FER: variants seen among roughly 807,000 people sequenced by gnomAD.
The protein encoded by FER is tyrosine-protein kinase Fer.
FER carries 63 observed loss-of-function variants against 111.0 expected under a neutral mutation model. The observed-to-expected ratio is 0.57, with a 90% CI of 0.46 to 0.70. The LOEUF (loss-of-function observed/expected upper bound fraction) is 0.70, where lower values mean the gene tolerates loss of function less well. FER is among the 30% of genes least tolerant of loss of function. The pLI is 0.00. For synonymous variants in FER, 327 were observed against 313.9 expected, an observed-to-expected ratio of 1.04 and a Z score of -0.44; for missense variants, 914 against 954.0, an observed-to-expected ratio of 0.96 and a Z score of 0.55.
intron 1 of FER, among the ~76,000 whole-genome samples, chr5:108,767,341 A>G (rs912202570): frequency 6.6e-6 from 1 of 152,128 alleles, no homozygotes; most frequent in African/African-American, 2.4e-5. Context: ...AAAACATATG[A>G]AGTGGAGAAA....
At chr5:108,902,247 A>G (rs529391509) in intron 10 of FER, among the ~76,000 whole-genome samples, 1 of 152,362 alleles carries the variant, frequency 6.6e-6, no homozygotes, top group East Asian at 1.9e-4. Context: ...TGAGACCATT[A>G]TAATTACAAA....
chr5:108,973,493 G>GTT (rs201662357), intron 13 of FER, among the ~76,000 whole-genome samples: 32 of 150,728 alleles, frequency 2.1e-4, no homozygotes, highest in Admixed American at 6.6e-4. Flanking sequence ...ACTTCTTTTT[G>GTT]TTTTTTTTTG....
chr5:108,956,223 T>A (rs1447463899), intron 12 of FER, among the ~76,000 whole-genome samples: 1 of 151,692 alleles, frequency 6.6e-6, no homozygotes, highest in African/African-American at 2.4e-5. Flanking sequence ...AAGTTATGAA[T>A]TTAGATAACC....
intron 16 of FER, among the ~76,000 whole-genome samples, chr5:109,071,969 G>A (rs1228926114): frequency 3.3e-5 from 5 of 151,170 alleles, no homozygotes; most frequent in South Asian, 4.2e-4. Context: ...CGATGGTCTC[G>A]GTGGATATCT....
chr5:108,775,939 G>C (rs1250860331), intron 2 of FER, among the ~76,000 whole-genome samples: 1 of 152,056 alleles, frequency 6.6e-6, no homozygotes, highest in Non-Finnish European at 1.5e-5. Context: ...TTGTGACTTT[G>C]TTTCTATCTT....
At chr5:109,003,159 C>T (rs9688214) in intron 13 of FER, among the ~76,000 whole-genome samples, 8,852 of 152,218 alleles carry the variant, frequency 0.058, 387 homozygotes, top group South Asian at 0.12. Flanking sequence ...TATAAAGACA[C>T]ATGCACACGT....
Position 108,768,116 on chromosome 5 carries a change from T to G in FER, c.-182T>G, listed in dbSNP as rs1322274934. The stretch of plus-strand genomic sequence containing the variant: ...AGCTCATGTTTTTTGGCTAGACCTA[T>G]GACCATTTTCGCTAGACTTCACTGC... On this transcript the variant is annotated 5_prime_UTR_variant, in exon 2 of 20. The change abolishes an upstream ATG in the 5' untranslated region. Coordinates refer to ENST00000281092, the MANE Select transcript of FER (RefSeq NM_005246.4). 1 of 152,264 alleles carries G rather than the reference T, an allele frequency of 6.6e-6. No individual in the cohort carries two copies. Among genetic ancestry groups the G allele is most frequent in the Non-Finnish European group, 1.5e-5 (1 of 68,066 alleles). The allele number at this position is 152,264 out of a possible 1,614,324, so 9.4% of individuals were successfully genotyped here. A position where few individuals can be genotyped will look rare whatever the true frequency, so the allele number is the denominator to read the frequency against.
chr5:108,887,827 T>C (rs143368509), intron 9 of FER, among the ~76,000 whole-genome samples: 1 of 151,878 alleles, frequency 6.6e-6, no homozygotes, highest in African/African-American at 2.4e-5. Flanking sequence ...AAAAAAGTTA[T>C]GGGAAAAAAT....
chr5:108,915,023 G>C (rs1399125868), intron 10 of FER, among the ~76,000 whole-genome samples: 1 of 152,118 alleles, frequency 6.6e-6, no homozygotes, highest in African/African-American at 2.4e-5. Flanking sequence ...AAGTAAAGTA[G>C]GATATGGATT....
At chr5:108,832,657 T>C in intron 3 of FER, 113 bp from the exon 4 acceptor site, 1 of 698,456 alleles carries the variant, frequency 1.4e-6, no homozygotes, top group Non-Finnish European at 2.0e-6. Flanking sequence ...CTATTTTTTA[T>C]ATTAATGTAA....
intron 17 of FER, among the ~76,000 whole-genome samples, chr5:109,116,141 A>G (rs1012964636): frequency 6.6e-6 from 1 of 152,026 alleles, no homozygotes; most frequent in African/African-American, 2.4e-5. Context: ...TACGGTCTCT[A>G]TGCTCCCTTG....
intron 2 of FER, among the ~76,000 whole-genome samples, chr5:108,791,749 C>G (rs151265543): frequency 3.9e-5 from 6 of 152,090 alleles, no homozygotes; most frequent in African/African-American, 1.4e-4. Flanking sequence ...TCTAAGAAAC[C>G]ATTGCCTAAG....
chr5:108,985,882 G>T (rs1214729079), intron 13 of FER, among the ~76,000 whole-genome samples: 1 of 152,128 alleles, frequency 6.6e-6, no homozygotes, highest in Non-Finnish European at 1.5e-5. Flanking sequence ...ATTGCAAATT[G>T]TGCTCCTGTA....
At chr5:108,813,334 G>C (rs557494388) in intron 3 of FER, among the ~76,000 whole-genome samples, 1 of 151,998 alleles carries the variant, frequency 6.6e-6, no homozygotes, top group African/African-American at 2.4e-5. Context: ...CTGATGTTAA[G>C]CAATTCATTA....
At chr5:108,763,804 A>G (rs549833336) in intron 1 of FER, among the ~76,000 whole-genome samples, 13 of 152,296 alleles carry the variant, frequency 8.5e-5, no homozygotes, top group African/African-American at 2.6e-4. Context: ...TCCAGCAGCT[A>G]TATCTATTTA....
intron 13 of FER, among the ~76,000 whole-genome samples, chr5:108,959,846 A>G (rs1021063700): frequency 1.3e-5 from 2 of 152,110 alleles, no homozygotes; most frequent in African/African-American, 4.8e-5. Context: ...GTTGGATAAG[A>G]GATTGTCTTA....
rs1561500033 is a variant in FER, at chr5:108,844,061, T to TGTGTGTGAACACATATATGTGTGTGAAC, written c.481+8254_481+8255insGTGTGTGAACACATATATGTGTGTGAAC. Among the ~76,000 whole-genome samples, 84 of 90,048 alleles carry TGTGTGTGAACACATATATGTGTGTGAAC rather than the reference T, an allele frequency of 9.3e-4. 2 individuals are homozygous for TGTGTGTGAACACATATATGTGTGTGAAC. The highest frequency in any genetic ancestry group is 3.9e-3 in the South Asian group (13 of 3,358). 59.1% of individuals were successfully genotyped at this position (90,048 alleles called of 152,430 possible). On this transcript the variant is annotated intron_variant, in intron 5 of 19. Transcript: ENST00000281092. The stretch of plus-strand genomic sequence containing the variant: ...GTGAACATATATATGTGTGTGAACA[T>TGTGTGTGAACACATATATGTGTGTGAAC]ATATATGTGTGTGAACATATATGCG...
chr5:109,052,461 G>T lies in FER; in HGVS notation c.1924+5263G>T. On this transcript the variant is annotated intron_variant, in intron 16 of 19. Coordinates refer to ENST00000281092, the MANE Select transcript of FER (RefSeq NM_005246.4). The stretch of plus-strand genomic sequence containing the variant: ...CTAAAGTGCTCCAGTCACGCATGTT[G>T]CCTGGGCACCACTCTTTTGCTTAAA... 5.3e-6 allele frequency: 6 copies of T among 1,137,126 alleles called. 1 individual carries two copies. The South Asian group carries it at 6.3e-5, about 12-fold the overall frequency. The allele number at this position is 1,137,126 out of a possible 1,614,324, so 70.4% of individuals were successfully genotyped here. A position where few individuals can be genotyped will look rare whatever the true frequency, so the allele number is the denominator to read the frequency against.
At chr5:109,062,131 T>G (rs1774498520) in intron 16 of FER, among the ~76,000 whole-genome samples, 1 of 152,064 alleles carries the variant, frequency 6.6e-6, no homozygotes, top group Non-Finnish European at 1.5e-5. Flanking sequence ...AACCCTAATA[T>G]GCTAAAAGAT....
Sources: gnomAD v4.1 joint callset for allele counts (sites outside exome capture counted in the v4.1 genomes callset) on GRCh38, gnomAD v4.1.1 for gene constraint, MANE v1.5 for transcripts, NCBI Gene and HGNC (gene_info 2026-07-23, HGNC 2026-07-21) for gene names.